Variants in RAB11FIP4 observed in about 807,000 individuals in gnomAD.
RAB11FIP4 encodes RAB11 family interacting protein 4.
Under a neutral mutation model 74.3 loss-of-function variants are expected in RAB11FIP4, and 23 were observed. The observed-to-expected ratio is 0.31, with a 90% CI of 0.22 to 0.44. The LOEUF (loss-of-function observed/expected upper bound fraction) is 0.44. RAB11FIP4 is among the 20% of genes least tolerant of loss of function. The pLI is 1.00. For synonymous variants in RAB11FIP4, 360 were observed against 359.9 expected (o/e 1.00, Z 0.00); for missense variants, 630 against 863.9 (o/e 0.73, Z 3.39).
At chr17:31,496,372 T>C (rs1161425356) in intron 3 of RAB11FIP4, among the ~76,000 whole-genome samples, 2 of 152,184 alleles carry the variant, frequency 1.3e-5, no homozygotes, top group African/African-American at 4.8e-5. Context: ...ATTCCCTGTT[T>C]CTCTTGCTGG....
At chr17:31,406,003 ACT>A (rs140534276) in intron 1 of RAB11FIP4, among the ~76,000 whole-genome samples, 154 of 151,682 alleles carry the variant, frequency 1.0e-3, no homozygotes, top group Non-Finnish European at 1.9e-3. Context: ...TAGTGCAGAC[ACT>A]CTGCTCTGCC....
At chr17:31,443,676 G>C (rs1026554206) in intron 3 of RAB11FIP4, among the ~76,000 whole-genome samples, 1 of 152,186 alleles carries the variant, frequency 6.6e-6, no homozygotes, top group Non-Finnish European at 1.5e-5. Flanking sequence ...TTGAGAGGCC[G>C]AGGTGGGCAG....
chr17:31,526,043 C>T (rs550822156), intron 10 of RAB11FIP4: 1 of 152,358 alleles, frequency 6.6e-6, no homozygotes, highest in African/African-American at 2.4e-5. Flanking sequence ...GCCCCCGTGT[C>T]CCTGCCCCTG....
chr17:31,428,456 A>T (rs1428382326), intron 1 of RAB11FIP4, among the ~76,000 whole-genome samples: 1 of 152,138 alleles, frequency 6.6e-6, no homozygotes, highest in Non-Finnish European at 1.5e-5. Context: ...GTGCCCTCAG[A>T]TCCATCATCT....
At chr17:31,518,834 T>G (rs73279861) in intron 4 of RAB11FIP4, 6,710 of 152,330 alleles carry the variant, frequency 0.044, 429 homozygotes, top group East Asian at 0.28. Context: ...GATGATTTTT[T>G]TTGTTGTTGT....
At position 31,523,871 on chromosome 17, in the gene RAB11FIP4, C is replaced by T. The variant is rs755465127; in HGVS notation, c.1030-22C>T. 7 of 1,578,418 alleles carry T rather than the reference C, an allele frequency of 4.4e-6. No homozygotes were observed. In the South Asian group the frequency reaches 7.9e-5, roughly 18 times the overall value. ...TGTGGCCTCAGAGGTCTTCTCCACC[C>T]CACCCCGGCCCCCTGCTGCAGGTAA... On this transcript the variant is annotated intron_variant, in intron 8 of 14. Coordinates refer to ENST00000621161, the MANE Select transcript of RAB11FIP4 (RefSeq NM_032932.6).
chr17:31,505,541 A>AACATATAATAAT (rs2072315215), intron 3 of RAB11FIP4, among the ~76,000 whole-genome samples: 4 of 66,524 alleles, frequency 6.0e-5, no homozygotes, highest in Admixed American at 2.5e-4. Flanking sequence ...TAATTATTAT[A>AACATATAATAAT]TATTATATAT....
chr17:31,517,191 C>CGGGGGGGGGGGGGGGGGGGGGG (rs537395833), intron 3 of RAB11FIP4, among the ~76,000 whole-genome samples: 1 of 42,700 alleles, frequency 2.3e-5, no homozygotes, highest in Non-Finnish European at 5.5e-5. Flanking sequence ...GGAGGCGGTG[C>CGGGGGGGGGGGGGGGGGGGGGG]GGGGGGGGGG....
intron 7 of RAB11FIP4, 40 bp downstream of exon 7, chr17:31,522,435 C>T (rs766140007): frequency 1.0e-5 from 16 of 1,597,364 alleles, no homozygotes; most frequent in Non-Finnish European, 1.2e-5. Context: ...GAGTGCTGTC[C>T]CCATGCTGCC....
chr17:31,454,395 TC>T (rs2071558348), intron 3 of RAB11FIP4, among the ~76,000 whole-genome samples: 2 of 152,064 alleles, frequency 1.3e-5, no homozygotes, highest in Admixed American at 1.3e-4. Context: ...TGCCTCAGCC[TC>T]CCGAGTAGCT....
At chr17:31,425,017 G>A (rs1807683535) in intron 1 of RAB11FIP4, among the ~76,000 whole-genome samples, 1 of 152,172 alleles carries the variant, frequency 6.6e-6, no homozygotes, top group Admixed American at 6.5e-5. Context: ...CATAATAATA[G>A]TGATTGCAAT....
chr17:31,478,052 G>C (rs890744868), intron 3 of RAB11FIP4, among the ~76,000 whole-genome samples: 6 of 148,506 alleles, frequency 4.0e-5, no homozygotes, highest in African/African-American at 1.3e-4. Flanking sequence ...GAGTGCAGTG[G>C]CTAGATCTCG....
intron 5 of RAB11FIP4, among the ~76,000 whole-genome samples, chr17:31,521,564 G>C (rs2072666546): frequency 6.6e-6 from 1 of 152,020 alleles, no homozygotes; most frequent in Admixed American, 6.6e-5. Flanking sequence ...ACTGACCTAG[G>C]AGGCTGCACA....
intron 3 of RAB11FIP4, among the ~76,000 whole-genome samples, chr17:31,486,804 C>G (rs561982638): frequency 6.6e-6 from 1 of 152,216 alleles, no homozygotes; most frequent in South Asian, 2.1e-4. Flanking sequence ...AATGCTGTCC[C>G]ATTTGGAAAG....
At chr17:31,462,726 TC>T (rs1418275111) in intron 3 of RAB11FIP4, among the ~76,000 whole-genome samples, 1 of 152,194 alleles carries the variant, frequency 6.6e-6, no homozygotes, top group Non-Finnish European at 1.5e-5. Context: ...AACCTCCGCC[TC>T]CTGGGTTCAA....
In RAB11FIP4 at chr17:31,521,364, G is replaced by A; in HGVS notation, c.758+4G>A. The stretch of plus-strand genomic sequence containing the variant: ...TGGGGTCTTCGGTGTCTTCCAGGTG[G>A]CCCCTTGGTCTGGGATGTCATTTGG... On this transcript the variant is annotated splice_donor_region_variant and intron_variant, in intron 5 of 14. Transcript: ENST00000621161. 1.3e-6 allele frequency: 2 copies of A among 1,591,730 alleles called. No homozygotes were observed. The highest frequency in any genetic ancestry group is 1.7e-5 in the Admixed American group (1 of 57,636).
intron 3 of RAB11FIP4, among the ~76,000 whole-genome samples, chr17:31,506,680 C>A (rs2072356120): frequency 6.6e-6 from 1 of 152,152 alleles, no homozygotes; most frequent in South Asian, 2.1e-4. Flanking sequence ...ACACAATGTT[C>A]TGTAGGTTCA....
intron 3 of RAB11FIP4, among the ~76,000 whole-genome samples, chr17:31,455,638 T>A (rs1377953522): frequency 1.7e-5 from 1 of 57,590 alleles, no homozygotes. Flanking sequence ...CCACAGGGAG[T>A]GGGTCTGCTC....
chr17:31,440,399 A>G (rs2071396749), intron 3 of RAB11FIP4, among the ~76,000 whole-genome samples: 1 of 152,224 alleles, frequency 6.6e-6, no homozygotes, highest in Non-Finnish European at 1.5e-5. Context: ...CTTTTAAGCC[A>G]AAACCATAGT....
Sources: allele counts gnomAD v4.1 joint callset (sites outside exome capture counted in the v4.1 genomes callset), GRCh38; gene constraint gnomAD v4.1.1; transcripts MANE v1.5; gene names NCBI Gene and HGNC (gene_info 2026-07-23, HGNC 2026-07-21).